The following SPATA22 variants were observed in gnomAD, a reference collection of about 807,000 sequenced individuals.
SPATA22 encodes the protein spermatogenesis associated 22, also known as spermatogenesis-associated protein 22.
In SPATA22, 29 loss-of-function variants were observed where a neutral mutation model predicts 47.8. That is an observed-to-expected ratio of 0.61 (90% CI 0.45 to 0.83). The LOEUF (loss-of-function observed/expected upper bound fraction) is 0.83, where lower values mean the gene tolerates loss of function less well. Ranked by LOEUF, SPATA22 falls within the 40% of genes least tolerant of loss-of-function variation. The pLI is 0.00. For missense variants in SPATA22, 410 were observed against 421.7 expected, an observed-to-expected ratio of 0.97 and a Z score of 0.24; for synonymous variants, 133 against 140.9, an observed-to-expected ratio of 0.94 and a Z score of 0.40.
At chr17:3,503,307 C>G (rs1396386583) in intron 1 of SPATA22, 1 of 152,194 alleles carries the variant, frequency 6.6e-6, no homozygotes, top group Admixed American at 6.5e-5. Context: ...ACTCAGTGTT[C>G]TGGAAAGCCC....
chr17:3,494,293 C>T lies in SPATA22; in HGVS notation c.-74+19119G>A, dbSNP rs1036301782. 3.6e-6 allele frequency: 5 copies of T among 1,369,958 alleles called. No homozygotes were observed. In the African/African-American group the frequency reaches 7.2e-5, roughly 20 times the overall value. 84.9% of individuals were successfully genotyped at this position (1,369,958 alleles called of 1,614,324 possible). ...TGCTGGGATGACAGGCATGAGCCACCACACCCGGCCCAGAGATGTTTTTAG... is the reference window on the plus strand; with the variant it reads ...TGCTGGGATGACAGGCATGAGCCACTACACCCGGCCCAGAGATGTTTTTAG... On this transcript the variant is annotated intron_variant, in intron 1 of 8. Coordinates refer to the SPATA22 transcript ENST00000541913.
intron 5 of SPATA22, among the ~76,000 whole-genome samples, chr17:3,453,225 T>C (rs2072904651): frequency 6.6e-6 from 1 of 152,190 alleles, no homozygotes. Context: ...ACTTCAAACC[T>C]TAGCATCACA....
intron 1 of SPATA22, among the ~76,000 whole-genome samples, chr17:3,504,094 C>A (rs571728908): frequency 1.4e-4 from 22 of 152,268 alleles, no homozygotes; most frequent in Middle Eastern, 3.4e-3. Flanking sequence ...AACTCTCCCC[C>A]ACTGTCCTCC....
intron 1 of SPATA22, chr17:3,481,894 G>A (rs2073637834): frequency 1.7e-6 from 2 of 1,203,416 alleles, no homozygotes; most frequent in Non-Finnish European, 1.2e-6. Context: ...TATGAGGGAA[G>A]GTGCAAGAGA....
intron 2 of SPATA22, chr17:3,468,785 T>C (rs2073366208): frequency 3.7e-6 from 1 of 271,754 alleles, no homozygotes; most frequent in African/African-American, 2.3e-5. Context: ...TAAATTAATA[T>C]ATATAATTAA....
chr17:3,451,724 G>A (rs1012711896), intron 5 of SPATA22, among the ~76,000 whole-genome samples: 12 of 152,134 alleles, frequency 7.9e-5, no homozygotes, highest in African/African-American at 2.4e-4. Context: ...CGAGGTGGGC[G>A]GATCACAAGG....
intron 1 of SPATA22, chr17:3,510,762 C>G (rs150072559): frequency 6.6e-6 from 1 of 152,210 alleles, no homozygotes; most frequent in Admixed American, 6.5e-5. Context: ...CTTACAGGCC[C>G]GGATGACGGC....
In SPATA22 at chr17:3,451,225, T is replaced by C. The variant is rs564229817; in HGVS notation, c.330-2076A>G. Among the ~76,000 whole-genome samples the C allele has an allele frequency of 7.2e-5, 11 of 152,328 alleles. No homozygotes were observed. In the East Asian group the frequency reaches 1.3e-3, roughly 19 times the overall value. On this transcript the variant is annotated intron_variant, in intron 5 of 8. Transcript: ENST00000572969. ...TTTCTAAAGACAAAGAAAGTCATTA[T>C]ATAATGATAAATGGGTAAATTCAAT... is the stretch of plus-strand genomic sequence containing the variant.
chr17:3,494,240 G>A, intron 1 of SPATA22: 20 of 773,242 alleles, frequency 2.6e-5, no homozygotes, highest in Non-Finnish European at 4.6e-5. Flanking sequence ...CTGACCTCAG[G>A]TGATCCACCC....
upstream of SPATA22, chr17:3,474,056 C>T (rs763708977): frequency 2.0e-5 from 3 of 152,218 alleles, no homozygotes; most frequent in South Asian, 2.1e-4. Flanking sequence ...AAAAATCTTT[C>T]GGAAGTTAAC....
chr17:3,491,772 A>G (rs1345890492), intron 1 of SPATA22, among the ~76,000 whole-genome samples: 1 of 151,864 alleles, frequency 6.6e-6, no homozygotes, highest in Non-Finnish European at 1.5e-5. Flanking sequence ...GAAAGAAAGA[A>G]GTCTACATTA....
chr17:3,477,839 A>G (rs1179689696), intron 1 of SPATA22, among the ~76,000 whole-genome samples: 6 of 152,088 alleles, frequency 3.9e-5, no homozygotes, highest in South Asian at 2.1e-4. Context: ...ACACAGCTCT[A>G]TACAACTTGG....
At chr17:3,477,075 A>G (rs1370425848) in intron 1 of SPATA22, among the ~76,000 whole-genome samples, 4 of 151,884 alleles carry the variant, frequency 2.6e-5, no homozygotes, top group Admixed American at 1.3e-4. Flanking sequence ...GAATGGCGTG[A>G]ACCCGGGAGG....
At chr17:3,477,513 G>A (rs1432175553) in intron 1 of SPATA22, among the ~76,000 whole-genome samples, 1 of 152,058 alleles carries the variant, frequency 6.6e-6, no homozygotes, top group Non-Finnish European at 1.5e-5. Context: ...GAGTGCAATG[G>A]TGCAATCTCA....
chr17:3,463,825 ATTCTC>A (rs2073190278), intron 3 of SPATA22, among the ~76,000 whole-genome samples: 1 of 151,748 alleles, frequency 6.6e-6, no homozygotes, highest in South Asian at 2.1e-4. Flanking sequence ...ATTCTACTCT[ATTCTC>A]TTCTATTTCT....
At chr17:3,454,160 G>A (rs34759439) in intron 5 of SPATA22, among the ~76,000 whole-genome samples, 30,432 of 149,378 alleles carry the variant, frequency 0.2, 3,539 homozygotes, top group East Asian at 0.43. Flanking sequence ...AGGAATAAAT[G>A]ACCAAGATAG....
In SPATA22 at chr17:3,485,513, C is replaced by A. The variant is rs1019491374; in HGVS notation, c.-73-16115G>T. ...GGGCAACAAAAGTGAAACTCCGTCT[C>A]AAAAAAACAAACAAACAAAAATACT... On this transcript the variant is annotated intron_variant, in intron 1 of 8. Coordinates refer to the SPATA22 transcript ENST00000541913. This position sits in a 1 kb window ranked among gnomAD's most constrained non-coding sequence, Gnocchi z 4.4. Among the ~76,000 whole-genome samples the A allele has an allele frequency of 1.3e-5, 2 of 152,062 alleles. No individual in the cohort carries two copies. Among genetic ancestry groups the A allele is most frequent in the African/African-American group, 4.8e-5 (2 of 41,400 alleles).
intron 8 of SPATA22, among the ~76,000 whole-genome samples, chr17:3,442,303 G>C (rs936007796): frequency 6.6e-6 from 1 of 151,850 alleles, no homozygotes; most frequent in African/African-American, 2.4e-5. Flanking sequence ...TTTCGAAGTA[G>C]GAATTTGTCT....
chr17:3,486,238 A>G (rs1351385900), intron 1 of SPATA22, among the ~76,000 whole-genome samples: 1 of 152,130 alleles, frequency 6.6e-6, no homozygotes, highest in African/African-American at 2.4e-5. Flanking sequence ...CCGGCTGTGA[A>G]CCTTCATTTT....
Sources: gnomAD v4.1 joint callset for allele counts (sites outside exome capture counted in the v4.1 genomes callset) on GRCh38, gnomAD v4.1.1 for gene constraint, Gnocchi (gnomAD v3.1) non-coding constraint, MANE v1.5 for transcripts, NCBI Gene and HGNC (gene_info 2026-07-23, HGNC 2026-07-21) for gene names.